The following SLC16A2 variants were observed in gnomAD, a reference collection of about 807,000 sequenced individuals.
SLC16A2 encodes solute carrier family 16 member 2.
Under a neutral mutation model 27.2 loss-of-function variants are expected in SLC16A2, and 3 were observed. The ratio of observed to expected loss-of-function variants is 0.11; its 90% CI spans 0.05 to 0.28. SLC16A2 has a LOEUF of 0.28. Among genes scored for constraint, SLC16A2 ranks in the 10% least tolerant of loss-of-function variants. The pLI is 1.00. For synonymous variants in SLC16A2, 202 were observed against 187.8 expected, an observed-to-expected ratio of 1.08 and a Z score of -0.62; for missense variants, 295 against 458.5, an observed-to-expected ratio of 0.64 and a Z score of 3.26.
At chrX:74,462,260 T>C (rs1929162971) in intron 1 of SLC16A2, among the ~76,000 whole-genome samples, 1 of 112,158 alleles carries the variant, frequency 8.9e-6, no homozygotes, top group Admixed American at 9.5e-5. Flanking sequence ...TCTGAAGTGT[T>C]TGTTTCTCGA....
chrX:74,513,309 C>T (rs748393639), intron 1 of SLC16A2, among the ~76,000 whole-genome samples: 1 of 111,755 alleles, frequency 8.9e-6, no homozygotes, highest in African/African-American at 3.3e-5. Flanking sequence ...CCAACTCTCC[C>T]ACGAATCTCA....
intron 4 of SLC16A2, among the ~76,000 whole-genome samples, chrX:74,526,597 G>T (rs970642576): frequency 1.8e-5 from 2 of 112,109 alleles, no homozygotes; most frequent in African/African-American, 3.2e-5. Flanking sequence ...TTTGTCAGAG[G>T]CAGGGTTGCT....
intron 1 of SLC16A2, among the ~76,000 whole-genome samples, chrX:74,515,666 C>CAT (rs1930307604): frequency 8.9e-6 from 1 of 111,751 alleles, no homozygotes; most frequent in East Asian, 2.8e-4. Flanking sequence ...CACACACACA[C>CAT]ACATCTTGAA....
At chrX:74,514,008 T>C (rs1930275386) in intron 1 of SLC16A2, among the ~76,000 whole-genome samples, 1 of 111,955 alleles carries the variant, frequency 8.9e-6, no homozygotes, top group South Asian at 3.7e-4. Flanking sequence ...TTTTTAAAAA[T>C]ATACATTTAG....
chrX:74,503,658 T>G (rs5937833), intron 1 of SLC16A2, among the ~76,000 whole-genome samples: 58,281 of 110,704 alleles, frequency 0.53, 13,399 homozygotes, highest in Non-Finnish European at 0.73. Flanking sequence ...AGACCCAAAG[T>G]TAGGCCTACT....
At chrX:74,521,774 GA>G (rs1479869598) in intron 2 of SLC16A2, among the ~76,000 whole-genome samples, 1 of 112,315 alleles carries the variant, frequency 8.9e-6, no homozygotes, top group Non-Finnish European at 1.9e-5. Flanking sequence ...ATGGGCATCA[GA>G]AGGATGATTA....
intron 1 of SLC16A2, among the ~76,000 whole-genome samples, chrX:74,423,294 C>T (rs776990816): frequency 5.4e-5 from 6 of 111,993 alleles, no homozygotes; most frequent in African/African-American, 1.9e-4. Context: ...CGCAGTGTTG[C>T]CCTCGGACTG....
rs185761894 is a variant in SLC16A2, at chrX:74,482,281, C to T, written c.431-38709C>T. ...ATGTGGTGTGTCTGAAGTGTCTCTC[C>T]TTGTGTTTATCCTATTTGTTATTTG... On this transcript the variant is annotated intron_variant, in intron 1 of 5. Transcript: ENST00000587091. Among the ~76,000 whole-genome samples, 491 of 111,587 alleles carry T rather than the reference C, an allele frequency of 4.4e-3. 2 individuals carry two copies. Among genetic ancestry groups the T allele is most frequent in the African/African-American group, 0.015 (465 of 30,754 alleles).
chrX:74,511,226 G>A (rs1330803134), intron 1 of SLC16A2, among the ~76,000 whole-genome samples: 4 of 110,349 alleles, frequency 3.6e-5, no homozygotes, highest in Admixed American at 2.9e-4. Flanking sequence ...CTGTCGCCCA[G>A]GCTGGAGTGC....
rs1250210245 is a variant in SLC16A2, at chrX:74,532,915, G to A, written c.*1362G>A. ...TCCTTATGCCCAGGCTCTGGCAACA[G>A]TCTTACTGAAGAACATTCCCAGTGC... is the stretch of plus-strand genomic sequence containing the variant. On this transcript the variant is annotated 3_prime_UTR_variant, in exon 6 of 6. Coordinates refer to ENST00000587091, the MANE Select transcript of SLC16A2 (RefSeq NM_006517.5). 1 of 112,365 alleles carries A rather than the reference G, an allele frequency of 8.9e-6. No homozygotes were observed. The highest frequency in any genetic ancestry group is 2.8e-4 in the East Asian group (1 of 3,535). The allele number at this position is 112,365 out of a possible 1,213,427, so 9.3% of individuals were successfully genotyped here. A position where few individuals can be genotyped will look rare whatever the true frequency, so the allele number is the denominator to read the frequency against.
intron 1 of SLC16A2, among the ~76,000 whole-genome samples, chrX:74,428,664 G>T (rs1928467994): frequency 9.1e-6 from 1 of 110,291 alleles, no homozygotes; most frequent in South Asian, 3.9e-4. Flanking sequence ...TCCACTTTCT[G>T]GGTGAAGGGT....
chrX:74,459,087 G>A (rs1454633680), intron 1 of SLC16A2, among the ~76,000 whole-genome samples: 3 of 103,273 alleles, frequency 2.9e-5, no homozygotes, highest in Non-Finnish European at 3.9e-5. Context: ...GCAGTGGGTG[G>A]TGGATGGACT....
chrX:74,494,501 C>G (rs1293627300), intron 1 of SLC16A2, among the ~76,000 whole-genome samples: 1 of 111,414 alleles, frequency 9.0e-6, no homozygotes, highest in African/African-American at 3.3e-5. Flanking sequence ...CGTCAAATAC[C>G]CAGGGAATGT....
chrX:74,483,039 C>T (rs184952746), intron 1 of SLC16A2, among the ~76,000 whole-genome samples: 37 of 111,316 alleles, frequency 3.3e-4, no homozygotes, highest in African/African-American at 1.2e-3. Flanking sequence ...TCCTTTAGGT[C>T]TTTGAACATA....
intron 1 of SLC16A2, among the ~76,000 whole-genome samples, chrX:74,500,628 A>G (rs909904672): frequency 9.0e-6 from 1 of 111,408 alleles, no homozygotes; most frequent in African/African-American, 3.3e-5. Flanking sequence ...TAGCTCCCAC[A>G]TATCAGTGAG....
intron 1 of SLC16A2, among the ~76,000 whole-genome samples, chrX:74,494,609 T>C (rs978592044): frequency 9.0e-6 from 1 of 111,701 alleles, no homozygotes; most frequent in Non-Finnish European, 1.9e-5. Flanking sequence ...TAAATTAATC[T>C]ATGAGTTCCT....
At chrX:74,470,480 A>T (rs1316381049) in intron 1 of SLC16A2, among the ~76,000 whole-genome samples, 1 of 111,615 alleles carries the variant, frequency 9.0e-6, no homozygotes, top group Non-Finnish European at 1.9e-5. Context: ...CATCACCAGC[A>T]TTTGGTGTTG....
intron 1 of SLC16A2, among the ~76,000 whole-genome samples, chrX:74,485,705 C>T (rs1293486946): frequency 5.4e-5 from 6 of 110,946 alleles, no homozygotes; most frequent in East Asian, 2.8e-4. Flanking sequence ...AGAAGAGAAC[C>T]GTGGAACCCA....
Position 74,524,528 on chromosome X carries a change from C to T in SLC16A2, c.745C>T (p.Leu249Phe), listed in dbSNP as rs780676877. The T allele has an allele frequency of 2.5e-6, 3 of 1,209,358 alleles. No homozygotes were observed. The Admixed American group carries it at 6.6e-5, about 26-fold the overall frequency. The change falls in exon 3 of 6, where the codon CTC becomes TTC. Residue 249 changes from leucine (L) to phenylalanine (F), a missense_variant. Physicochemically the swap from Leu to Phe is conservative, Grantham distance 22. Around this residue, in one of 3 missense-constraint regions of SLC16A2, gnomAD observed 59 missense variants for 153.6 expected, o/e 0.38. Transcript: ENST00000587091. Reference sequence around the variant, plus strand: ...CATTTTCTCCATGTCCTTCCCCTTCCTCATCAGAATGCTGGGGGATAAGAT... The same window carrying T: ...CATTTTCTCCATGTCCTTCCCCTTCTTCATCAGAATGCTGGGGGATAAGAT... ...SSIFSMSFPFLIRMLGDKIKL... is the reference protein window; with the variant it reads ...SSIFSMSFPFFIRMLGDKIKL...
Sources: allele counts gnomAD v4.1 joint callset (sites outside exome capture counted in the v4.1 genomes callset), GRCh38; gene constraint gnomAD v4.1.1; regional missense constraint gnomAD v4.1.1; transcripts MANE v1.5; gene names NCBI Gene and HGNC (gene_info 2026-07-23, HGNC 2026-07-21).